CARD14: variants seen among roughly 807,000 people sequenced by gnomAD.
The protein encoded by CARD14 is caspase recruitment domain family member 14, also known as caspase recruitment domain-containing protein 14.
CARD14 carries 107 observed loss-of-function variants against 111.5 expected under a neutral mutation model. The ratio of observed to expected loss-of-function variants is 0.96; its 90% CI spans 0.82 to 1.13. The LOEUF (loss-of-function observed/expected upper bound fraction) is 1.13, where lower values mean the gene tolerates loss of function less well. Ranked by LOEUF, CARD14 falls within the 50% of genes most tolerant of loss-of-function variation. The pLI, the probability that CARD14 is intolerant of heterozygous loss-of-function variation, is 0.00. For missense variants in CARD14, 1,322 were observed against 1,362.3 expected, an observed-to-expected ratio of 0.97 and a Z score of 0.47; for synonymous variants, 617 against 579.6, an observed-to-expected ratio of 1.06 and a Z score of -0.93.
chr17:80,202,175 A>G lies in CARD14; in HGVS notation c.1979-5A>G, dbSNP rs2144447051. 6.2e-7 allele frequency: 1 copy of G among 1,606,746 alleles called. No individual in the cohort carries two copies. On this transcript the variant is annotated splice_region_variant and splice_polypyrimidine_tract_variant and intron_variant, in intron 17 of 23. Transcript: ENST00000648509. ...TCATCTGTGGCTCATGTCCCCTTTT[A>G]TCAGGTTATAAGAGGCTACTCCAGG...
Position 80,205,562 on chromosome 17 carries a change from G to C in CARD14, c.2601G>C (p.Trp867Cys). Reference sequence around the variant, plus strand: ...TGAGCCAGGAGGAGTATGAGGCCTGGAGCCAGAGAGGGGACATCATCCAGG... The same window carrying C: ...TGAGCCAGGAGGAGTATGAGGCCTGCAGCCAGAGAGGGGACATCATCCAGG... ...EYLSQEEYEAWSQRGDIIQEG... is the reference protein window; with the variant it reads ...EYLSQEEYEACSQRGDIIQEG... Residue 867 changes from tryptophan (W) to cysteine (C), a missense_variant, in exon 22 of 24, where the codon TGG (tryptophan) becomes TGC (cysteine). Coordinates refer to ENST00000648509, the MANE Select transcript of CARD14 (RefSeq NM_001366385.1). 1 of 1,583,140 alleles carries C rather than the reference G, an allele frequency of 6.3e-7. No homozygotes were observed. The highest frequency in any genetic ancestry group is 1.3e-5 in the African/African-American group (1 of 74,548).
rs2040204919 is a variant in CARD14, at chr17:80,182,489, C to T, written c.212-164C>T. ...AGGGAGCCTGTGAGAGCAGTGAGGGCGCGTCCCACCCAGCAGAACCCAGAA... is the reference window on the plus strand; with the variant it reads ...AGGGAGCCTGTGAGAGCAGTGAGGGTGCGTCCCACCCAGCAGAACCCAGAA... On this transcript the variant is annotated intron_variant, in intron 5 of 23. Transcript: ENST00000648509. The surrounding 1 kb of genome is among the most constrained non-coding windows in gnomAD (Gnocchi z 4.7). 2.6e-5 allele frequency among the ~76,000 whole-genome samples: 4 copies of T among 152,168 alleles called. No individual in the cohort carries two copies. The highest frequency in any genetic ancestry group is 4.8e-5 in the African/African-American group (2 of 41,432).
intron 7 of CARD14, chr17:80,187,834 A>T (rs975853833): frequency 3.0e-6 from 3 of 985,314 alleles, no homozygotes; most frequent in Admixed American, 6.2e-5. Flanking sequence ...ACCTGGTGGG[A>T]TAGTCCCTGG....
chr17:80,178,043 G>A (rs1279509875), intron 2 of CARD14, among the ~76,000 whole-genome samples: 3 of 152,166 alleles, frequency 2.0e-5, no homozygotes, highest in Admixed American at 2.0e-4. Flanking sequence ...GTTCCAGTGA[G>A]AAACAGGACT....
chr17:80,192,911 C>T (rs144559342), intron 12 of CARD14, among the ~76,000 whole-genome samples: 106 of 152,280 alleles, frequency 7.0e-4, no homozygotes, highest in African/African-American at 2.5e-3. Flanking sequence ...GCCACCATGC[C>T]CAGCTAATTT....
At chr17:80,181,797 G>A in intron 5 of CARD14, 148 bp downstream of exon 5, 2 of 718,350 alleles carry the variant, frequency 2.8e-6, no homozygotes, top group Non-Finnish European at 4.5e-6. Flanking sequence ...TGGATAACCA[G>A]GATGATCTGA....
chr17:80,205,945 C>T (rs1235578272), intron 22 of CARD14: 5 of 269,680 alleles, frequency 1.9e-5, no homozygotes, highest in South Asian at 8.9e-5. Context: ...ACACTCTCCA[C>T]GTTTGAAGGC....
chr17:80,179,663 T>C (rs1205014669), intron 4 of CARD14, among the ~76,000 whole-genome samples: 1 of 152,048 alleles, frequency 6.6e-6, no homozygotes. Flanking sequence ...GGAGATTCCA[T>C]CTCTACAAAA....
At position 80,203,776 on chromosome 17, in the gene CARD14, A is replaced by T; in HGVS notation, c.2220-46A>T. The T allele has an allele frequency of 6.7e-7, 1 of 1,501,020 alleles. No homozygotes were observed. Among genetic ancestry groups the T allele is most frequent in the Non-Finnish European group, 9.1e-7 (1 of 1,103,602 alleles). The allele number at this position is 1,501,020 out of a possible 1,614,324, so 93.0% of individuals were successfully genotyped here. On this transcript the variant is annotated intron_variant, in intron 18 of 23. Coordinates refer to ENST00000648509, the MANE Select transcript of CARD14 (RefSeq NM_001366385.1). This position sits in a 1 kb window ranked among gnomAD's most constrained non-coding sequence, Gnocchi z 4.6. ...TGCTCGGCTCTCCCCTGCCCTGCTCACCTGGCAGGAGGCAGCTGGGTCAGG... is the reference window on the plus strand; with the variant it reads ...TGCTCGGCTCTCCCCTGCCCTGCTCTCCTGGCAGGAGGCAGCTGGGTCAGG...
rs1219205226 is a variant in CARD14 at position 80,182,292 on chromosome 17, G to A, written c.212-361G>A. ...TCCAAAGCTGACAGCACCGTGGTGG[G>A]ACCCTGCGTCTGCATCACCCACCAG... On this transcript the variant is annotated intron_variant, in intron 5 of 23. Coordinates refer to ENST00000648509, the MANE Select transcript of CARD14 (RefSeq NM_001366385.1). This position sits in a 1 kb window ranked among gnomAD's most constrained non-coding sequence, Gnocchi z 4.7. Among the ~76,000 whole-genome samples, 2 of 152,170 alleles carry A rather than the reference G, an allele frequency of 1.3e-5. No individual in the cohort carries two copies. The highest frequency in any genetic ancestry group is 2.1e-4 in the South Asian group (1 of 4,830).
At chr17:80,207,849 C>G (rs2041421517) in intron 23 of CARD14, among the ~76,000 whole-genome samples, 1 of 151,726 alleles carries the variant, frequency 6.6e-6, no homozygotes, top group African/African-American at 2.4e-5. Context: ...CAATCTAATC[C>G]TTGTCGGCTA....
In CARD14 at chr17:80,189,915, T is replaced by C. The variant is rs1288427392; in HGVS notation, c.963+43T>C. On this transcript the variant is annotated intron_variant, in intron 9 of 23. Transcript: ENST00000648509. This position sits in a 1 kb window ranked among gnomAD's most constrained non-coding sequence, Gnocchi z 4.7. ...CCTCCCTTGTGACTCTCCTGGGGCT[T>C]GTCTCAGGGGTGCGGACAGGTCTGT... 6.4e-7 allele frequency: 1 copy of C among 1,573,642 alleles called. No individual in the cohort carries two copies. Among genetic ancestry groups the C allele is most frequent in the Non-Finnish European group, 8.6e-7 (1 of 1,166,532 alleles).
At chr17:80,193,572 G>A (rs1409590083) in intron 12 of CARD14, among the ~76,000 whole-genome samples, 7 of 152,194 alleles carry the variant, frequency 4.6e-5, no homozygotes, top group South Asian at 2.1e-4. Context: ...ACAGGATGCC[G>A]GGAGCCGGGA....
chr17:80,205,644 A>G lies in CARD14; in HGVS notation c.2683A>G (p.Met895Val), dbSNP rs2041259572. Reference sequence around the variant, plus strand: ...GACCCGCCATGCTGTGGAGTCCCTCATGGAAAAGGTGAGGTCAAGGGCGGG... The same window carrying G: ...GACCCGCCATGCTGTGGAGTCCCTCGTGGAAAAGGTGAGGTCAAGGGCGGG... ...WVTRHAVESL[M>V]EKNTHALLDV... is the part of the protein sequence containing the mutation. The change falls in exon 22 of 24, where the codon ATG becomes GTG. Residue 895 changes from methionine (M) to valine (V), a missense_variant. Physicochemically the swap from Met to Val is conservative, Grantham distance 21. Transcript: ENST00000648509. The G allele has an allele frequency of 1.1e-6, 1 of 948,242 alleles. No individual in the cohort carries two copies. The highest frequency in any genetic ancestry group is 2.8e-4 in the Middle Eastern group (1 of 3,588). 58.7% of individuals were successfully genotyped at this position (948,242 alleles called of 1,614,324 possible). A position where few individuals can be genotyped will look rare whatever the true frequency, so the allele number is the denominator to read the frequency against.
In CARD14 at chr17:80,181,547, A is replaced by C. The variant is rs1422269680; in HGVS notation, c.109A>C (p.Ser37Arg). The stretch of plus-strand genomic sequence containing the variant: ...CAGGATCGTACGCTGCATCTGCCCC[A>C]GCCGCCTCACCCCCTACCTGCGCCA... The part of the protein sequence containing the change: ...RHRIVRCICP[S>R]RLTPYLRQAK... Residue 37 changes from serine (S) to arginine (R), a missense_variant, in exon 5 of 24, where the codon AGC (serine) becomes CGC (arginine). Physicochemically the swap from Ser to Arg is moderately radical, Grantham distance 110. Coordinates refer to ENST00000648509, the MANE Select transcript of CARD14 (RefSeq NM_001366385.1). 1 of 1,575,010 alleles carries C rather than the reference A, an allele frequency of 6.3e-7. No homozygotes were observed. The highest frequency in any genetic ancestry group is 1.4e-5 in the African/African-American group (1 of 73,852).
chr17:80,191,293 C>T (rs551983837), intron 10 of CARD14, 30 bp from the exon 11 acceptor site: 17 of 1,596,678 alleles, frequency 1.1e-5, no homozygotes, highest in Admixed American at 3.4e-5. Context: ...GGTGATGGCG[C>T]GGCCTCCTTA....
In CARD14 at chr17:80,208,534, C is replaced by T. The variant is rs1413109968; in HGVS notation, c.*189C>T. On this transcript the variant is annotated 3_prime_UTR_variant, in exon 24 of 24. Coordinates refer to ENST00000648509, the MANE Select transcript of CARD14 (RefSeq NM_001366385.1). ...TCACACACAGTGAAGCCACTTGTAACTGCACACTTTTCTGTGGAAACATCT... is the reference window on the plus strand; with the variant it reads ...TCACACACAGTGAAGCCACTTGTAATTGCACACTTTTCTGTGGAAACATCT... 5.7e-6 allele frequency: 3 copies of T among 526,696 alleles called. No homozygotes were observed. Among genetic ancestry groups the T allele is most frequent in the Non-Finnish European group, 6.7e-6 (2 of 300,596 alleles). 32.6% of individuals were successfully genotyped at this position (526,696 alleles called of 1,614,324 possible).
chr17:80,205,431 A>C, intron 21 of CARD14, 100 bp from the exon 22 acceptor site: 2 of 1,469,260 alleles, frequency 1.4e-6, no homozygotes, highest in Non-Finnish European at 1.8e-6. Flanking sequence ...AGCTTCTCCC[A>C]GTGCTGGCAG....
chr17:80,176,542 C>G (rs186218404), intron 2 of CARD14, among the ~76,000 whole-genome samples: 2 of 152,106 alleles, frequency 1.3e-5, no homozygotes, highest in African/African-American at 4.8e-5. Flanking sequence ...CAATCGCCGC[C>G]ACAGTTAACT....
Sources: allele counts gnomAD v4.1 joint callset (sites outside exome capture counted in the v4.1 genomes callset), GRCh38; gene constraint gnomAD v4.1.1; non-coding constraint Gnocchi (gnomAD v3.1); transcripts MANE v1.5; gene names NCBI Gene and HGNC (gene_info 2026-07-23, HGNC 2026-07-21).